Variants in SDK1 observed in about 807,000 individuals in gnomAD.
SDK1 encodes sidekick cell adhesion molecule 1.
In SDK1, 157 loss-of-function variants were observed where a neutral mutation model predicts 245.5. That is an observed-to-expected ratio of 0.64 (90% CI 0.56 to 0.73). The LOEUF (loss-of-function observed/expected upper bound fraction) is 0.73, where lower values mean the gene tolerates loss of function less well. Among genes scored for constraint, SDK1 ranks in the 30% least tolerant of loss-of-function variants. The probability of loss-of-function intolerance (pLI) is 0.00; values close to 1 mark genes in which losing one functional copy is unlikely to be tolerated. For missense variants in SDK1, 3,583 were observed against 3,002.3 expected (o/e 1.19, Z -4.52); for synonymous variants, 1,647 against 1,278.5 (o/e 1.29, Z -6.15).
intron 2 of SDK1, among the ~76,000 whole-genome samples, chr7:3,635,295 A>G (rs1782422136): frequency 6.6e-6 from 1 of 152,228 alleles, no homozygotes; most frequent in Admixed American, 6.5e-5. Context: ...AAAAGATTTT[A>G]TTAATCCTTC....
chr7:3,331,239 G>A (rs372431472), intron 1 of SDK1, among the ~76,000 whole-genome samples: 6 of 152,112 alleles, frequency 3.9e-5, no homozygotes, highest in African/African-American at 1.4e-4. Context: ...ACTCCAGTCT[G>A]GCAACAAAGC....
At chr7:3,385,856 C>T (rs1336788945) in intron 1 of SDK1, among the ~76,000 whole-genome samples, 3 of 152,108 alleles carry the variant, frequency 2.0e-5, no homozygotes, top group Non-Finnish European at 4.4e-5. Context: ...ATGATTTTTA[C>T]ACCCATTATT....
chr7:3,398,105 G>A (rs369613590), intron 1 of SDK1, among the ~76,000 whole-genome samples: 72 of 151,858 alleles, frequency 4.7e-4, no homozygotes, highest in Middle Eastern at 3.2e-3. Context: ...TAGGTTTAAC[G>A]TTTTCTGTAA....
At chr7:3,757,058 T>A (rs369184831) in intron 4 of SDK1, among the ~76,000 whole-genome samples, 28 of 152,164 alleles carry the variant, frequency 1.8e-4, no homozygotes, top group African/African-American at 6.5e-4. Context: ...TCTCCAACTC[T>A]CTGACACCAA....
intron 22 of SDK1, among the ~76,000 whole-genome samples, chr7:4,104,213 C>G (rs1471747026): frequency 1.3e-5 from 2 of 152,208 alleles, no homozygotes; most frequent in Non-Finnish European, 2.9e-5. Context: ...GCATGCACCA[C>G]CACACCTAGC....
At chr7:3,720,969 T>C (rs753057985) in intron 4 of SDK1, among the ~76,000 whole-genome samples, 1 of 152,212 alleles carries the variant, frequency 6.6e-6, no homozygotes, top group Non-Finnish European at 1.5e-5. Flanking sequence ...AAGAGAGTTA[T>C]ATTGAGTGAG....
chr7:3,418,380 G>A (rs996094230), intron 1 of SDK1, among the ~76,000 whole-genome samples: 3 of 152,104 alleles, frequency 2.0e-5, no homozygotes, highest in African/African-American at 7.2e-5. Flanking sequence ...TGAACAGAAT[G>A]GAATATTCAC....
At chr7:3,357,319 T>A in intron 1 of SDK1, among the ~76,000 whole-genome samples, 1 of 139,146 alleles carries the variant, frequency 7.2e-6, no homozygotes, top group Non-Finnish European at 1.5e-5. Context: ...TTGCTCCCCT[T>A]CTTTTAGTGT....
intron 1 of SDK1, among the ~76,000 whole-genome samples, chr7:3,495,136 G>C (rs1046590586): frequency 1.3e-5 from 2 of 151,950 alleles, no homozygotes; most frequent in Non-Finnish European, 2.9e-5. Context: ...TGAAACTGCA[G>C]TGTAACAGCG....
chr7:4,174,638 G>A (rs375586095), intron 33 of SDK1, among the ~76,000 whole-genome samples: 10 of 152,152 alleles, frequency 6.6e-5, no homozygotes, highest in Admixed American at 6.5e-5. Flanking sequence ...CACTCTACCG[G>A]CGTCAGTGGG....
intron 44 of SDK1, among the ~76,000 whole-genome samples, chr7:4,258,471 G>A (rs1390956345): frequency 6.6e-6 from 1 of 152,162 alleles, no homozygotes; most frequent in African/African-American, 2.4e-5. Flanking sequence ...ATGCAGAGAC[G>A]CTTTCCATAT....
At chr7:3,883,593 C>T (rs1014438986) in intron 5 of SDK1, among the ~76,000 whole-genome samples, 12 of 152,128 alleles carry the variant, frequency 7.9e-5, no homozygotes, top group Non-Finnish European at 1.2e-4. Flanking sequence ...GTCCTGGACC[C>T]CAGATCGTGC....
chr7:4,132,514 G>A, intron 28 of SDK1, 91 bp downstream of exon 28: 1 of 868,530 alleles, frequency 1.2e-6, no homozygotes, highest in Admixed American at 2.0e-5. Flanking sequence ...TTGAGCCCAG[G>A]AGTTCAAGAC....
chr7:3,736,362 G>A (rs529880379), intron 4 of SDK1, among the ~76,000 whole-genome samples: 5 of 152,124 alleles, frequency 3.3e-5, no homozygotes, highest in African/African-American at 1.2e-4. Context: ...GGCACGTCTC[G>A]GCTCACTGCG....
At chr7:4,222,166 T>G in intron 40 of SDK1, among the ~76,000 whole-genome samples, 1 of 152,210 alleles carries the variant, frequency 6.6e-6, no homozygotes, top group East Asian at 1.9e-4. Context: ...GTCTAATACT[T>G]AAACAGGCTA....
chr7:3,841,525 A>T (rs1289641489), intron 5 of SDK1, among the ~76,000 whole-genome samples: 1 of 151,960 alleles, frequency 6.6e-6, no homozygotes, highest in African/African-American at 2.4e-5. Context: ...TAGAACCAGA[A>T]CTGCCCACCT....
At chr7:3,951,539 G>C (rs1292892145) in intron 6 of SDK1, among the ~76,000 whole-genome samples, 191 bp from the exon 7 acceptor site, 1 of 152,218 alleles carries the variant, frequency 6.6e-6, no homozygotes, top group Non-Finnish European at 1.5e-5. Context: ...CCCTTGAGCA[G>C]AATGCATCGT....
At chr7:3,690,967 C>T (rs143503565) in intron 4 of SDK1, among the ~76,000 whole-genome samples, 4 of 152,272 alleles carry the variant, frequency 2.6e-5, no homozygotes, top group African/African-American at 7.2e-5. Flanking sequence ...ACTCTGTGAC[C>T]TTCTAGAATT....
chr7:3,698,275 C>T (rs182677739), intron 4 of SDK1, among the ~76,000 whole-genome samples: 1 of 152,182 alleles, frequency 6.6e-6, no homozygotes, highest in Non-Finnish European at 1.5e-5. Flanking sequence ...AGCGTGACCC[C>T]CATCAGAATG....
Sources: gnomAD v4.1 joint callset for allele counts (sites outside exome capture counted in the v4.1 genomes callset) on GRCh38, gnomAD v4.1.1 for gene constraint, MANE v1.5 for transcripts, NCBI Gene and HGNC (gene_info 2026-07-23, HGNC 2026-07-21) for gene names.